OR2Z1: variants seen among roughly 807,000 people sequenced by gnomAD.
OR2Z1 encodes the protein olfactory receptor family 2 subfamily Z member 1.
For missense variants in OR2Z1, 449 were observed against 401.8 expected, an observed-to-expected ratio of 1.12 and a Z score of -1.00; for synonymous variants, 188 against 160.6, an observed-to-expected ratio of 1.17 and a Z score of -1.29.
intron 2 of OR2Z1, among the ~76,000 whole-genome samples, chr19:8,726,595 T>C (rs2043328613): frequency 6.6e-6 from 1 of 152,236 alleles, no homozygotes; most frequent in Non-Finnish European, 1.5e-5. Context: ...TTCTTGTTGG[T>C]CATTGGTCTC....
At chr19:8,727,493 A>G (rs1181188846) in intron 2 of OR2Z1, among the ~76,000 whole-genome samples, 2 of 152,100 alleles carry the variant, frequency 1.3e-5, no homozygotes, top group Non-Finnish European at 2.9e-5. Flanking sequence ...AACATGGCGC[A>G]TGTATACATA....
chr19:8,727,857 ACT>A (rs1555756331), intron 2 of OR2Z1, among the ~76,000 whole-genome samples: 1 of 152,216 alleles, frequency 6.6e-6, no homozygotes, highest in African/African-American at 2.4e-5. Context: ...ACAGAGCAAG[ACT>A]CTGTCTCAAC....
intron 2 of OR2Z1, among the ~76,000 whole-genome samples, chr19:8,730,512 C>A (rs375310220): frequency 6.6e-6 from 1 of 152,030 alleles, no homozygotes; most frequent in Non-Finnish European, 1.5e-5. Context: ...CTCCACCACC[C>A]GGGTTCAAGC....
intron 2 of OR2Z1, among the ~76,000 whole-genome samples, chr19:8,729,492 C>A (rs1368030642): frequency 6.6e-6 from 1 of 151,190 alleles, no homozygotes; most frequent in Non-Finnish European, 1.5e-5. Context: ...CTCACTGCAG[C>A]CTCGACCTCC....
In OR2Z1 at chr19:8,731,598, A is replaced by G. The variant is rs141953968; in HGVS notation, c.570A>G (p.Ala190=). The part of the protein sequence containing the change: ...EVPALLKLSC[A]DTCAYEMALS... ...CAGCCCTACTGAAGCTCTCCTGTGCAGATACCTGTGCCTACGAGATGGCGC... is the reference window on the plus strand; with the variant it reads ...CAGCCCTACTGAAGCTCTCCTGTGCGGATACCTGTGCCTACGAGATGGCGC... The change falls in exon 3 of 3, where the codon GCA becomes GCG. Residue 190 remains alanine, a synonymous_variant. Transcript: ENST00000641125. 1.9e-6 allele frequency: 3 copies of G among 1,613,022 alleles called. No individual in the cohort carries two copies. Among genetic ancestry groups the G allele is most frequent in the African/African-American group, 2.7e-5 (2 of 74,076 alleles).
intron 1 of OR2Z1, 113 bp downstream of exon 1, chr19:8,722,155 G>A (rs1555755768): frequency 1.3e-5 from 2 of 152,148 alleles, no homozygotes; most frequent in Non-Finnish European, 2.9e-5. Context: ...AGGCTCTGCT[G>A]TGGATCCTTG....
In OR2Z1 at chr19:8,724,425, G is replaced by T. The variant is rs550098510; in HGVS notation, c.-170+1275G>T. On this transcript the variant is annotated intron_variant, in intron 2 of 2. Transcript: ENST00000641125. ...TAATTTTTCTATTTCTTGTAGAGTCGGGATCTTGCCATGTTGCTCAGGCTA... is the reference window on the plus strand; with the variant it reads ...TAATTTTTCTATTTCTTGTAGAGTCTGGATCTTGCCATGTTGCTCAGGCTA... 3.9e-5 allele frequency among the ~76,000 whole-genome samples: 6 copies of T among 152,040 alleles called. No individual in the cohort carries two copies. In the East Asian group the frequency reaches 9.7e-4, roughly 25 times the overall value.
chr19:8,727,789 C>T lies in OR2Z1; in HGVS notation c.-169-3071C>T, dbSNP rs570551372. Among the ~76,000 whole-genome samples, 84 of 152,194 alleles carry T rather than the reference C, an allele frequency of 5.5e-4. 1 individual carries two copies. Among genetic ancestry groups the T allele is most frequent in the Non-Finnish European group, 1.1e-3 (77 of 68,038 alleles). ...GGCTGAGGCAGGAGAATTGCTTGAA[C>T]CGGGGAGGCGGAAGTTGCAGTGAGC... On this transcript the variant is annotated intron_variant, in intron 2 of 2. Coordinates refer to ENST00000641125, the MANE Select transcript of OR2Z1 (RefSeq NM_001004699.3).
rs2043360770 is a variant in OR2Z1 at position 8,732,065 on chromosome 19, A to G, written c.*92A>G. ...TTGGCATTCAATTGCCAATTTGTGC[A>G]ACTGGCCAAATATCCAGCCATTGCC... On this transcript the variant is annotated 3_prime_UTR_variant, in exon 3 of 3. Coordinates refer to ENST00000641125, the MANE Select transcript of OR2Z1 (RefSeq NM_001004699.3). The G allele has an allele frequency of 4.1e-6, 4 of 982,204 alleles. No individual in the cohort carries two copies. Among genetic ancestry groups the G allele is most frequent in the Non-Finnish European group, 6.1e-6 (4 of 653,320 alleles). 60.8% of individuals were successfully genotyped at this position (982,204 alleles called of 1,614,324 possible). A position where few individuals can be genotyped will look rare whatever the true frequency, so the allele number is the denominator to read the frequency against.
intron 2 of OR2Z1, among the ~76,000 whole-genome samples, chr19:8,730,609 G>A (rs1412805229): frequency 1.3e-5 from 2 of 152,052 alleles, no homozygotes; most frequent in South Asian, 2.1e-4. Context: ...TAGTAGAGAC[G>A]AGGTTTCACC....
chr19:8,722,843 A>G (rs1180126592), intron 1 of OR2Z1, among the ~76,000 whole-genome samples: 3 of 152,126 alleles, frequency 2.0e-5, no homozygotes, highest in African/African-American at 7.2e-5. Flanking sequence ...CATCTCTACA[A>G]AAAAATTAAA....
intron 1 of OR2Z1, among the ~76,000 whole-genome samples, 151 bp downstream of exon 1, chr19:8,722,193 A>T (rs1224506550): frequency 6.6e-6 from 1 of 151,388 alleles, no homozygotes; most frequent in African/African-American, 2.4e-5. Context: ...AAATAAATAA[A>T]TAATATAAGT....
At chr19:8,728,654 C>T (rs1274804275) in intron 2 of OR2Z1, 6 of 463,734 alleles carry the variant, frequency 1.3e-5, no homozygotes, top group African/African-American at 2.0e-5. Flanking sequence ...ACCCAAATTG[C>T]GAACATAGTA....
rs1555756892 is a variant in OR2Z1, at chr19:8,731,940, G to A, written c.912G>A (p.Val304=). 1.9e-6 allele frequency: 3 copies of A among 1,614,054 alleles called. No homozygotes were observed. The highest frequency in any genetic ancestry group is 1.3e-5 in the African/African-American group (1 of 75,040). ...NPEVWMALVK[V]LSRAGLRQMC ...AGGTGTGGATGGCTTTGGTCAAAGT[G>A]CTTAGCAGAGCTGGACTCAGGCAAA... The change falls in exon 3 of 3, where the codon GTG becomes GTA. Residue 304 remains valine, a synonymous_variant. Transcript: ENST00000641125.
At chr19:8,729,596 G>GT (rs1190491004) in intron 2 of OR2Z1, among the ~76,000 whole-genome samples, 3,071 of 139,868 alleles carry the variant, frequency 0.022, 103 homozygotes, top group African/African-American at 0.07. Flanking sequence ...TGTAGAGATG[G>GT]TTTTTTTTTT....
At chr19:8,729,100 G>A (rs2043339841) in intron 2 of OR2Z1, 1 of 1,191,846 alleles carries the variant, frequency 8.4e-7, no homozygotes, top group Non-Finnish European at 1.2e-6. Flanking sequence ...CTTTTTTTTA[G>A]TGGCTGTGGA....
intron 2 of OR2Z1, among the ~76,000 whole-genome samples, chr19:8,725,812 A>G (rs575861553): frequency 1.2e-4 from 18 of 152,332 alleles, no homozygotes; most frequent in African/African-American, 1.7e-4. Context: ...TAAAGAAAAT[A>G]TGTTTCACTG....
At chr19:8,728,596 A>T (rs2043337404) in intron 2 of OR2Z1, 1 of 394,430 alleles carries the variant, frequency 2.5e-6, no homozygotes, top group Non-Finnish European at 4.8e-6. Flanking sequence ...AAGGTGTGTT[A>T]CATGGATATA....
intron 2 of OR2Z1, among the ~76,000 whole-genome samples, chr19:8,727,600 C>T (rs1435576048): frequency 2.0e-5 from 3 of 152,210 alleles, no homozygotes; most frequent in Non-Finnish European, 2.9e-5. Context: ...GGCACAGTGG[C>T]TCACGCCTGT....
Sources: gnomAD v4.1 joint callset for allele counts (sites outside exome capture counted in the v4.1 genomes callset) on GRCh38, gnomAD v4.1.1 for gene constraint, MANE v1.5 for transcripts, NCBI Gene and HGNC (gene_info 2026-07-23, HGNC 2026-07-21) for gene names.